The following HNF4G variants were observed in gnomAD, a reference collection of about 807,000 sequenced individuals.
HNF4G encodes hepatocyte nuclear factor 4-gamma.
A neutral mutation model predicts 50.9 loss-of-function variants in HNF4G; 21 were observed. The ratio of observed to expected loss-of-function variants is 0.41; its 90% confidence interval spans 0.29 to 0.59. HNF4G has a LOEUF of 0.59. Ranked by LOEUF, HNF4G falls within the 20% of genes least tolerant of loss-of-function variation. The pLI is 0.26. For missense variants in HNF4G, 527 were observed against 559.4 expected, an observed-to-expected ratio of 0.94 and a Z score of 0.58; for synonymous variants, 198 against 185.6, an observed-to-expected ratio of 1.07 and a Z score of -0.54.
chr8:75,546,483 A>G (rs1806781916), intron 2 of HNF4G, among the ~76,000 whole-genome samples: 1 of 151,994 alleles, frequency 6.6e-6, no homozygotes, highest in Non-Finnish European at 1.5e-5. Flanking sequence ...TCACCTTATA[A>G]AGAAACCTTT....
intron 1 of HNF4G, among the ~76,000 whole-genome samples, chr8:75,462,004 G>A (rs929527277): frequency 3.3e-5 from 5 of 150,626 alleles, no homozygotes; most frequent in East Asian, 1.9e-4. Flanking sequence ...TGCAACCTCC[G>A]CCTCCTGGGT....
At chr8:75,454,352 T>C (rs1237192391) in intron 1 of HNF4G, among the ~76,000 whole-genome samples, 1 of 152,092 alleles carries the variant, frequency 6.6e-6, no homozygotes, top group Non-Finnish European at 1.5e-5. Context: ...ATACTGAGGG[T>C]TAAATGAGAT....
chr8:75,410,924 G>T (rs540918770), intron 1 of HNF4G, among the ~76,000 whole-genome samples: 2 of 152,004 alleles, frequency 1.3e-5, no homozygotes. Context: ...GAATACGCAC[G>T]CACACACACA....
At chr8:75,541,157 AT>A (rs1218780955) in intron 1 of HNF4G, among the ~76,000 whole-genome samples, 1 of 152,136 alleles carries the variant, frequency 6.6e-6, no homozygotes, top group Admixed American at 6.6e-5. Context: ...AGAATCCTGA[AT>A]TTAAAAAACA....
chr8:75,540,980 T>C (rs1345014615), intron 1 of HNF4G, among the ~76,000 whole-genome samples: 1 of 151,944 alleles, frequency 6.6e-6, no homozygotes, highest in African/African-American at 2.4e-5. Context: ...CTATTTTTAA[T>C]AAGCAGTTCC....
At position 75,553,656 on chromosome 8, in the gene HNF4G, G is replaced by A. The variant is rs188949326; in HGVS notation, c.645+459G>A. On this transcript the variant is annotated intron_variant, in intron 5 of 9. Transcript: ENST00000396423. Reference sequence around the variant, plus strand: ...CACAGGTTGTGGTGTTGTCTTGGTGGGTACTTCATGCAATTAACATAAAGT... The same window carrying A: ...CACAGGTTGTGGTGTTGTCTTGGTGAGTACTTCATGCAATTAACATAAAGT... Among the ~76,000 whole-genome samples, 112 of 151,720 alleles carry A rather than the reference G, an allele frequency of 7.4e-4. 2 individuals carry two copies. Among genetic ancestry groups the A allele is most frequent in the Non-Finnish European group, 1.4e-3 (98 of 67,850 alleles).
intron 1 of HNF4G, among the ~76,000 whole-genome samples, chr8:75,471,054 C>T (rs1812101553): frequency 6.6e-6 from 1 of 152,118 alleles, no homozygotes; most frequent in Non-Finnish European, 1.5e-5. Context: ...GATGATCTTC[C>T]TGATAAAGTC....
rs921466192 is a variant in HNF4G, at chr8:75,437,652, C to T, written c.-144+29490C>T. ...ATCACGCCACTGCACTGCAGCCTGG[C>T]AACAGAGTGAGACTCCGTCTCAAAA... On this transcript the variant is annotated intron_variant, in intron 1 of 10. Transcript: ENST00000354370. Among the ~76,000 whole-genome samples the T allele has an allele frequency of 7.2e-5, 11 of 151,914 alleles. No homozygotes were observed. The South Asian group carries it at 2.3e-3, about 31-fold the overall frequency.
chr8:75,479,744 T>C (rs183605971), intron 1 of HNF4G, among the ~76,000 whole-genome samples: 36 of 152,178 alleles, frequency 2.4e-4, no homozygotes, highest in African/African-American at 7.7e-4. Flanking sequence ...TGAAGGAAGA[T>C]TTTACAAGCT....
chr8:75,505,296 G>A (rs1248263444), intron 2 of HNF4G, among the ~76,000 whole-genome samples: 2 of 152,232 alleles, frequency 1.3e-5, no homozygotes, highest in African/African-American at 4.8e-5. Context: ...ATGTTAGTCT[G>A]AGATGTCCTT....
rs1810570521 is a variant in HNF4G, at chr8:75,414,081, T to G, written c.-144+5919T>G. ...ATGTGCTTCAGTGAGTTTTGACAAA[T>G]GTATGTAGTTTTGTAACCATTACCA... On this transcript the variant is annotated intron_variant, in intron 1 of 10. Coordinates refer to the HNF4G transcript ENST00000354370. 2.0e-5 allele frequency among the ~76,000 whole-genome samples: 3 copies of G among 152,130 alleles called. No homozygotes were observed. The South Asian group carries it at 6.2e-4, about 31-fold the overall frequency.
At chr8:75,503,261 C>G (rs1812979500) in intron 2 of HNF4G, among the ~76,000 whole-genome samples, 1 of 152,162 alleles carries the variant, frequency 6.6e-6, no homozygotes, top group Non-Finnish European at 1.5e-5. Flanking sequence ...ACTAAATGCT[C>G]TAAGCCTCAA....
rs1304052497 is a variant in HNF4G at position 75,566,538 on chromosome 8, C to G, written c.*2442C>G. On this transcript the variant is annotated 3_prime_UTR_variant, in exon 10 of 10. Transcript: ENST00000396423. ...TAATATTATATTTTTATATACTGAA[C>G]TGCCATAGATGCTGGAAAAAAGGAA... The G allele has an allele frequency of 2.0e-5, 3 of 152,244 alleles. No individual in the cohort carries two copies. In the East Asian group the frequency reaches 5.8e-4, roughly 29 times the overall value. 9.4% of individuals were successfully genotyped at this position (152,244 alleles called of 1,614,324 possible). A position where few individuals can be genotyped will look rare whatever the true frequency, so the allele number is the denominator to read the frequency against.
At chr8:75,532,774 A>G (rs1406830412) in intron 2 of HNF4G, among the ~76,000 whole-genome samples, 1 of 152,080 alleles carries the variant, frequency 6.6e-6, no homozygotes, top group Non-Finnish European at 1.5e-5. Context: ...ACTACAGTGT[A>G]AATTATGACA....
At chr8:75,530,253 T>C (rs185389713) in intron 2 of HNF4G, among the ~76,000 whole-genome samples, 13 of 152,256 alleles carry the variant, frequency 8.5e-5, no homozygotes, top group African/African-American at 3.1e-4. Context: ...ACTTTGTAGT[T>C]GAAGGCATCA....
At chr8:75,540,424 A>G (rs907392608) in intron 1 of HNF4G, among the ~76,000 whole-genome samples, 3 of 152,190 alleles carry the variant, frequency 2.0e-5, no homozygotes, top group Non-Finnish European at 4.4e-5. Flanking sequence ...CTGTGAAAGT[A>G]TATTTTCTAA....
intron 1 of HNF4G, among the ~76,000 whole-genome samples, chr8:75,442,720 C>T (rs1811315959): frequency 6.6e-6 from 1 of 151,860 alleles, no homozygotes; most frequent in African/African-American, 2.4e-5. Context: ...TTTCCTAAAG[C>T]CTTCAGGAGA....
At chr8:75,448,986 A>G (rs1811504638) in intron 1 of HNF4G, among the ~76,000 whole-genome samples, 1 of 152,194 alleles carries the variant, frequency 6.6e-6, no homozygotes, top group African/African-American at 2.4e-5. Flanking sequence ...ATCAAATAGC[A>G]TAATTTCACA....
At chr8:75,488,608 A>C (rs986413999) in intron 1 of HNF4G, among the ~76,000 whole-genome samples, 2 of 152,216 alleles carry the variant, frequency 1.3e-5, no homozygotes, top group Non-Finnish European at 2.9e-5. Flanking sequence ...TAAGCTTAGA[A>C]CAATACAATC....
Sources: gnomAD v4.1 joint callset for allele counts (sites outside exome capture counted in the v4.1 genomes callset) on GRCh38, gnomAD v4.1.1 for gene constraint, MANE v1.5 for transcripts, NCBI Gene and HGNC (gene_info 2026-07-23, HGNC 2026-07-21) for gene names.